The following NCOA6 variants were observed in gnomAD, a reference collection of about 807,000 sequenced individuals.
NCOA6 encodes NRC RAP250.
A neutral mutation model predicts 171.4 loss-of-function variants in NCOA6; 49 were observed. The ratio of observed to expected loss-of-function variants is 0.29; its 90% CI spans 0.23 to 0.36. NCOA6 has a LOEUF of 0.36. NCOA6 is among the 10% of genes least tolerant of loss of function. The probability of loss-of-function intolerance (pLI) is 1.00; values close to 1 mark genes in which losing one functional copy is unlikely to be tolerated. For synonymous variants in NCOA6, 910 were observed against 927.5 expected, an observed-to-expected ratio of 0.98 and a Z score of 0.34; for missense variants, 2,248 against 2,554.5, an observed-to-expected ratio of 0.88 and a Z score of 2.59.
At chr20:34,798,882 G>A (rs573126253) in intron 1 of NCOA6, among the ~76,000 whole-genome samples, 1 of 152,266 alleles carries the variant, frequency 6.6e-6, no homozygotes, top group African/African-American at 2.4e-5. Context: ...GTAAAAACAA[G>A]CCCAGACTGT....
intron 13 of NCOA6, among the ~76,000 whole-genome samples, chr20:34,731,168 C>T (rs1021782571): frequency 1.3e-5 from 2 of 152,082 alleles, no homozygotes; most frequent in Admixed American, 1.3e-4. Flanking sequence ...TATAGGCATG[C>T]GCCACCATGC....
At chr20:34,818,109 T>C (rs920601143) in intron 1 of NCOA6, among the ~76,000 whole-genome samples, 2 of 152,238 alleles carry the variant, frequency 1.3e-5, no homozygotes, top group Non-Finnish European at 2.9e-5. Context: ...AACCAGTGCC[T>C]ACCTCATCAG....
At chr20:34,794,024 A>G (rs1004533690) in intron 1 of NCOA6, among the ~76,000 whole-genome samples, 2 of 152,248 alleles carry the variant, frequency 1.3e-5, no homozygotes, top group Non-Finnish European at 2.9e-5. Context: ...CAAAAATTTG[A>G]TAATTTACTG....
At chr20:34,774,062 A>G (rs1189285079) in intron 4 of NCOA6, among the ~76,000 whole-genome samples, 1 of 152,254 alleles carries the variant, frequency 6.6e-6, no homozygotes, top group African/African-American at 2.4e-5. Context: ...CTCATGTTTA[A>G]ATTTATGGCT....
chr20:34,736,750 G>C lies in NCOA6; in HGVS notation c.5902C>G (p.Gln1968Glu), dbSNP rs777443427. The C allele has an allele frequency of 6.2e-7, 1 of 1,610,728 alleles. No individual in the cohort carries two copies. The highest frequency in any genetic ancestry group is 8.5e-7 in the Non-Finnish European group (1 of 1,178,128). The change falls in exon 12 of 15, where the codon CAG becomes GAG. Residue 1968 changes from glutamine to glutamate, a missense_variant. Physicochemically the swap from Gln to Glu is conservative, Grantham distance 29 (BLOSUM62 2). Coordinates refer to ENST00000359003, the MANE Select transcript of NCOA6 (RefSeq NM_014071.5). ...PELLPSIAPSQNLVSKETSTT... is the reference protein window; with the variant it reads ...PELLPSIAPSENLVSKETSTT... ...GAAGTTTCCTTTGAGACTAAATTCT[G>C]CGACGGGGCTAAGGCAAGGAAAAAA...
chr20:34,720,539 C>G (rs764796807), intron 14 of NCOA6, among the ~76,000 whole-genome samples: 1 of 152,240 alleles, frequency 6.6e-6, no homozygotes. Flanking sequence ...ACAATACAAA[C>G]AGCAACACTT....
chr20:34,735,352 T>A (rs2075918794), intron 12 of NCOA6, among the ~76,000 whole-genome samples: 1 of 152,020 alleles, frequency 6.6e-6, no homozygotes, highest in Admixed American at 6.6e-5. Context: ...AAAGAAAGAA[T>A]CTGGGTGGCT....
At chr20:34,816,162 C>A (rs561495871) in intron 1 of NCOA6, among the ~76,000 whole-genome samples, 1 of 152,290 alleles carries the variant, frequency 6.6e-6, no homozygotes, top group East Asian at 1.9e-4. Context: ...TCTCCTTAAT[C>A]CCATTTGTTG....
chr20:34,813,465 T>TAAAAAAA (rs1163906642), intron 1 of NCOA6, among the ~76,000 whole-genome samples: 1 of 130,032 alleles, frequency 7.7e-6, no homozygotes, highest in Non-Finnish European at 1.7e-5. Context: ...AACTCTGTCT[T>TAAAAAAA]AAAAAAAAAA....
chr20:34,722,607 G>A (rs1176154531), intron 14 of NCOA6, among the ~76,000 whole-genome samples: 1 of 149,472 alleles, frequency 6.7e-6, no homozygotes, highest in Non-Finnish European at 1.5e-5. Context: ...TTAAACTCAG[G>A]AGTTCAAGGT....
Position 34,754,806 on chromosome 20 carries a change from C to T in NCOA6, c.1591G>A (p.Gly531Ser), listed in dbSNP as rs1044857419. 1 of 1,614,038 alleles carries T rather than the reference C, an allele frequency of 6.2e-7. No homozygotes were observed. Among genetic ancestry groups the T allele is most frequent in the African/African-American group, 1.3e-5 (1 of 74,908 alleles). The stretch of plus-strand genomic sequence containing the variant: ...GTTGCTGTGGTCGAAGGCACCTGAC[C>T]TTGCATAAAGTTCGGATTGGCCTGT... Reference protein sequence around the residue: ...AGQANPNFMQGQVPSTTATTP... With the variant: ...AGQANPNFMQSQVPSTTATTP... Residue 531 changes from glycine (G) to serine (S), a missense_variant, in exon 8 of 15, where the codon GGT becomes AGT. By Grantham distance (56) the Gly-to-Ser change is moderately conservative (BLOSUM62 0). Around this residue, in one of 7 missense-constraint regions of NCOA6, gnomAD observed 987 missense variants for 1,104.7 expected, o/e 0.89. Coordinates refer to ENST00000359003, the MANE Select transcript of NCOA6 (RefSeq NM_014071.5).
Position 34,741,527 on chromosome 20 carries a change from G to A in NCOA6, c.4729C>T (p.Pro1577Ser), listed in dbSNP as rs147936085. ...VSSNVAPSIP[P>S]VMSRPVSSSS... is the part of the protein sequence containing the mutation. ...GAGCTAACAGGTCTTGACATTACTG[G>A]AGGGATGCTTGGTGCAACGTTAGAA... The change falls in exon 11 of 15, where the codon CCA becomes TCA. Residue 1577 changes from proline to serine, a missense_variant. Pro to Ser is a moderately conservative substitution (Grantham distance 74). Around this residue, in one of 7 missense-constraint regions of NCOA6, gnomAD observed 884 missense variants for 941.9 expected, o/e 0.94. Coordinates refer to ENST00000359003, the MANE Select transcript of NCOA6 (RefSeq NM_014071.5). The A allele has an allele frequency of 2.9e-5, 47 of 1,614,088 alleles. No homozygotes were observed. Among genetic ancestry groups the A allele is most frequent in the African/African-American group, 4.0e-5 (3 of 74,928 alleles).
chr20:34,811,201 G>GTATATATATATATATATATATATATA (rs10700283), intron 1 of NCOA6, among the ~76,000 whole-genome samples: 9 of 53,838 alleles, frequency 1.7e-4, no homozygotes, highest in Non-Finnish European at 2.6e-4. Flanking sequence ...ACAACAACGT[G>GTATATATATATATATATATATATATA]TATATATATA....
In NCOA6 at chr20:34,740,653, T is replaced by G. The variant is rs752196406; in HGVS notation, c.5603A>C (p.Glu1868Ala). The G allele has an allele frequency of 6.8e-6, 11 of 1,614,076 alleles. No homozygotes were observed. The East Asian group carries it at 2.5e-4, about 36-fold the overall frequency. ...DTTAPGLMGT[E>A]QLSTELDSKT... ...ACTGTCCAGCTCTGTGGATAACTGC[T>G]CTGTTCCCATGAGCCCCGGAGCTGT... Residue 1868 changes from glutamate (E) to alanine (A), a missense_variant, in exon 11 of 15, where the codon GAG becomes GCG. Transcript: ENST00000359003.
At position 34,740,587 on chromosome 20, in the gene NCOA6, G is replaced by A. The variant is rs1357384692; in HGVS notation, c.5669C>T (p.Thr1890Ile). The change falls in exon 11 of 15, where the codon ACC (threonine) becomes ATC (isoleucine). Residue 1890 changes from threonine (T) to isoleucine (I), a missense_variant. Coordinates refer to ENST00000359003, the MANE Select transcript of NCOA6 (RefSeq NM_014071.5). ...AGTGCCCGGGCCCACAGGGCTAGAG[G>A]TCATTTTTAGCAGAGTGGGTGCTGG... Reference protein sequence around the residue: ...TPPAPTLLKMTSSPVGPGTAS... With the variant: ...TPPAPTLLKMISSPVGPGTAS... 6.2e-7 allele frequency: 1 copy of A among 1,614,200 alleles called. No individual in the cohort carries two copies. Among genetic ancestry groups the A allele is most frequent in the Non-Finnish European group, 8.5e-7 (1 of 1,180,052 alleles).
intron 3 of NCOA6, among the ~76,000 whole-genome samples, chr20:34,778,012 A>C (rs576427186): frequency 1.3e-5 from 2 of 152,194 alleles, no homozygotes; most frequent in African/African-American, 4.8e-5. Flanking sequence ...GGTTCGAGCA[A>C]TTCTCCTGCC....
At chr20:34,775,689 AAAAG>A (rs1197293127) in intron 4 of NCOA6, among the ~76,000 whole-genome samples, 1 of 103,596 alleles carries the variant, frequency 9.7e-6, no homozygotes, top group African/African-American at 4.1e-5. Context: ...AAAAAAAAAA[AAAAG>A]AAAAAAAAAA....
rs569229378 is a variant in NCOA6 at position 34,796,003 on chromosome 20, ATTTTTTT to A, written c.-163-3447_-163-3441del. Among the ~76,000 whole-genome samples, 117 of 95,772 alleles carry A rather than the reference ATTTTTTT, an allele frequency of 1.2e-3. 1 individual carries two copies. The highest frequency in any genetic ancestry group is 2.1e-3 in the South Asian group (6 of 2,850). 62.8% of individuals were successfully genotyped at this position (95,772 alleles called of 152,430 possible). ...TGTTTCAACTTTTCTATATGTTTGAATTTTTTTTTTTTTTTTTTTTTTTTTGAGACAG... is the reference window on the plus strand; with the variant it reads ...TGTTTCAACTTTTCTATATGTTTGAATTTTTTTTTTTTTTTTTTGAGACAG... On this transcript the variant is annotated intron_variant, in intron 1 of 14. Transcript: ENST00000359003.
At chr20:34,747,064 CTAGA>C in intron 9 of NCOA6, 136 bp from the exon 10 acceptor site, 1 of 894,486 alleles carries the variant, frequency 1.1e-6, no homozygotes, top group Non-Finnish European at 1.5e-6. Context: ...TCTCTCTAGT[CTAGA>C]TAAAATATTA....
Sources: gnomAD v4.1 joint callset for allele counts (sites outside exome capture counted in the v4.1 genomes callset) on GRCh38, gnomAD v4.1.1 for gene constraint, gnomAD v4.1.1 regional missense constraint, MANE v1.5 for transcripts, NCBI Gene and HGNC (gene_info 2026-07-23, HGNC 2026-07-21) for gene names.